The following LRP1B variants were observed in gnomAD, a reference collection of about 807,000 sequenced individuals.
LRP1B encodes the protein LDL receptor related protein 1B, also known as low-density lipoprotein receptor-related protein 1B.
A neutral mutation model predicts 556.6 loss-of-function variants in LRP1B; 217 were observed. The ratio of observed to expected loss-of-function variants is 0.39; its 90% CI spans 0.35 to 0.44. LRP1B has a LOEUF of 0.44. LRP1B is among the 20% of genes least tolerant of loss of function. The pLI, the probability that LRP1B is intolerant of heterozygous loss-of-function variation, is 1.00. For missense variants in LRP1B, 5,053 were observed against 5,620.8 expected, an observed-to-expected ratio of 0.90 and a Z score of 3.23; for synonymous variants, 2,047 against 1,865.8, an observed-to-expected ratio of 1.10 and a Z score of -2.50.
intron 46 of LRP1B, among the ~76,000 whole-genome samples, chr2:140,535,833 A>G (rs1442666103): frequency 6.6e-6 from 1 of 152,152 alleles, no homozygotes; most frequent in Non-Finnish European, 1.5e-5. Flanking sequence ...GATGTTGACT[A>G]TCACTTGGTG....
chr2:141,247,141 G>A lies in LRP1B; in HGVS notation c.592+85C>T, dbSNP rs950655476. 4.1e-6 allele frequency: 6 copies of A among 1,471,356 alleles called. No individual in the cohort carries two copies. In the African/African-American group the frequency reaches 8.4e-5, roughly 21 times the overall value. The allele number at this position is 1,471,356 out of a possible 1,614,324, so 91.1% of individuals were successfully genotyped here. ...CTCTCTCTTCAAAGTCCATATTTCT[G>A]CTATACCACATCTCTAATGAAAAAG... On this transcript the variant is annotated intron_variant, in intron 5 of 90. Coordinates refer to ENST00000389484, the MANE Select transcript of LRP1B (RefSeq NM_018557.3).
At chr2:141,305,528 C>T (rs1229303992) in intron 3 of LRP1B, among the ~76,000 whole-genome samples, 1 of 152,062 alleles carries the variant, frequency 6.6e-6, no homozygotes. Flanking sequence ...AAGATCATAC[C>T]ATCAGCAAAG....
At chr2:140,987,456 T>C (rs767113243) in intron 17 of LRP1B, among the ~76,000 whole-genome samples, 2 of 152,270 alleles carry the variant, frequency 1.3e-5, no homozygotes, top group African/African-American at 4.8e-5. Context: ...AAAACTGTTT[T>C]ATTTGCTCTT....
intron 41 of LRP1B, among the ~76,000 whole-genome samples, chr2:140,698,458 T>C (rs1226122832): frequency 1.3e-5 from 2 of 152,094 alleles, no homozygotes; most frequent in African/African-American, 4.8e-5. Context: ...TAACTATTTC[T>C]TCAAAAATAA....
In LRP1B at chr2:140,552,148, T is replaced by C. The variant is rs191394147; in HGVS notation, c.7195-10177A>G. ...AGGTGTATATGTGCTATTTTTATAATTAAATTGATGCCCCTTCAAGTTAGG... is the reference window on the plus strand; with the variant it reads ...AGGTGTATATGTGCTATTTTTATAACTAAATTGATGCCCCTTCAAGTTAGG... On this transcript the variant is annotated intron_variant, in intron 43 of 90. Coordinates refer to ENST00000389484, the MANE Select transcript of LRP1B (RefSeq NM_018557.3). Among the ~76,000 whole-genome samples, 334 of 152,264 alleles carry C rather than the reference T, an allele frequency of 2.2e-3. 3 individuals carry two copies. The highest frequency in any genetic ancestry group is 4.3e-3 in the Admixed American group (66 of 15,260).
intron 41 of LRP1B, among the ~76,000 whole-genome samples, chr2:140,682,799 A>T (rs1685909269): frequency 6.6e-6 from 1 of 152,046 alleles, no homozygotes; most frequent in Non-Finnish European, 1.5e-5. Context: ...CTCAATGTTT[A>T]ACCTGAGACA....
intron 41 of LRP1B, among the ~76,000 whole-genome samples, chr2:140,625,675 CAAT>C (rs1222319999): frequency 6.6e-6 from 1 of 152,112 alleles, no homozygotes; most frequent in African/African-American, 2.4e-5. Context: ...ATCAAAACAA[CAAT>C]GAGATACTAC....
At chr2:140,906,967 T>C (rs1233015051) in intron 22 of LRP1B, among the ~76,000 whole-genome samples, 1 of 115,962 alleles carries the variant, frequency 8.6e-6, no homozygotes, top group East Asian at 3.1e-4. Context: ...TTTTACCACA[T>C]ATGGTAAAAA....
At chr2:141,209,471 A>G (rs1462548591) in intron 6 of LRP1B, among the ~76,000 whole-genome samples, 2 of 152,330 alleles carry the variant, frequency 1.3e-5, no homozygotes, top group African/African-American at 4.8e-5. Context: ...TAAATTACCC[A>G]GTCTCAGGTA....
chr2:141,612,044 A>G (rs908309015), intron 2 of LRP1B, among the ~76,000 whole-genome samples: 16 of 152,232 alleles, frequency 1.1e-4, no homozygotes, highest in Non-Finnish European at 2.9e-5. Context: ...GCGTTTTATT[A>G]CCTGTAACTG....
chr2:142,126,244 A>C (rs988616814), intron 1 of LRP1B, among the ~76,000 whole-genome samples: 3 of 151,414 alleles, frequency 2.0e-5, no homozygotes, highest in African/African-American at 7.3e-5. Context: ...TCAAAAAATA[A>C]CTTAAAATTT....
At chr2:140,516,249 G>T (rs1466286963) in intron 50 of LRP1B, among the ~76,000 whole-genome samples, 1 of 151,760 alleles carries the variant, frequency 6.6e-6, no homozygotes, top group African/African-American at 2.4e-5. Flanking sequence ...CACATCAGAA[G>T]TATTTGAAAA....
intron 41 of LRP1B, among the ~76,000 whole-genome samples, chr2:140,635,675 A>G (rs1485879341): frequency 6.6e-6 from 1 of 151,998 alleles, no homozygotes; most frequent in Non-Finnish European, 1.5e-5. Context: ...TATATACTAT[A>G]TATAACATGT....
At chr2:141,706,146 T>G (rs1692128870) in intron 2 of LRP1B, among the ~76,000 whole-genome samples, 1 of 152,142 alleles carries the variant, frequency 6.6e-6, no homozygotes, top group South Asian at 2.1e-4. Flanking sequence ...GCTATCATGC[T>G]TCCCTCCAAT....
At chr2:141,406,560 ATCTAT>A (rs1432484884) in intron 3 of LRP1B, among the ~76,000 whole-genome samples, 2 of 150,410 alleles carry the variant, frequency 1.3e-5, no homozygotes, top group South Asian at 4.2e-4. Flanking sequence ...CTATCTATCT[ATCTAT>A]CTATCTATCT....
At chr2:141,884,690 T>C (rs1433170605) in intron 1 of LRP1B, among the ~76,000 whole-genome samples, 5 of 152,234 alleles carry the variant, frequency 3.3e-5, no homozygotes, top group Non-Finnish European at 7.3e-5. Context: ...ATTTAACATT[T>C]GTCTGGAATG....
chr2:140,550,866 C>T (rs942211959), intron 43 of LRP1B, among the ~76,000 whole-genome samples: 7 of 152,034 alleles, frequency 4.6e-5, no homozygotes, highest in African/African-American at 1.7e-4. Flanking sequence ...GTTGAAGCCC[C>T]AGTATGATGA....
intron 7 of LRP1B, among the ~76,000 whole-genome samples, chr2:141,176,439 G>C (rs144702569): frequency 1.3e-5 from 2 of 152,102 alleles, no homozygotes; most frequent in Admixed American, 6.6e-5. Context: ...TTAAAAGTGT[G>C]TGGCATTTTC....
At chr2:140,298,316 T>TGA (rs1683687872) in intron 83 of LRP1B, among the ~76,000 whole-genome samples, 1 of 8,996 alleles carries the variant, frequency 1.1e-4, no homozygotes, top group Non-Finnish European at 5.2e-3. Context: ...TTTATTCTAC[T>TGA]CATGTGATAA....
Sources: allele counts gnomAD v4.1 joint callset (sites outside exome capture counted in the v4.1 genomes callset), GRCh38; gene constraint gnomAD v4.1.1; transcripts MANE v1.5; gene names NCBI Gene and HGNC (gene_info 2026-07-23, HGNC 2026-07-21).